The following BCAR3 variants were observed in gnomAD, a reference collection of about 807,000 sequenced individuals.
BCAR3 encodes the protein breast cancer anti-estrogen resistance protein 3.
A neutral mutation model predicts 80.1 loss-of-function variants in BCAR3; 37 were observed. The ratio of observed to expected loss-of-function variants is 0.46; its 90% confidence interval spans 0.36 to 0.61. The LOEUF is 0.61. Ranked by LOEUF, BCAR3 falls within the 20% of genes least tolerant of loss-of-function variation. The pLI is 0.00. For missense variants in BCAR3, 978 were observed against 1,068.2 expected (o/e 0.92, Z 1.18); for synonymous variants, 389 against 418.9 (o/e 0.93, Z 0.87).
At chr1:93,645,351 T>C (rs188167772) in intron 2 of BCAR3, among the ~76,000 whole-genome samples, 1 of 152,290 alleles carries the variant, frequency 6.6e-6, no homozygotes, top group Admixed American at 6.5e-5. Flanking sequence ...TTTTGAGTAC[T>C]CTGTAGGTTT....
chr1:93,610,981 TCC>T (rs1674931702), intron 3 of BCAR3, among the ~76,000 whole-genome samples: 1 of 152,030 alleles, frequency 6.6e-6, no homozygotes, highest in African/African-American at 2.4e-5. Context: ...TATTCCTAGT[TCC>T]CCACGAAATG....
At chr1:93,844,746 T>C (rs1430762021) in intron 2 of BCAR3, among the ~76,000 whole-genome samples, 1 of 151,118 alleles carries the variant, frequency 6.6e-6, no homozygotes, top group African/African-American at 2.4e-5. Flanking sequence ...TCTCATTCTG[T>C]CGCCCAGGCT....
At chr1:93,751,926 C>T (rs1352659460) in intron 2 of BCAR3, among the ~76,000 whole-genome samples, 3 of 152,224 alleles carry the variant, frequency 2.0e-5, no homozygotes, top group African/African-American at 7.2e-5. Flanking sequence ...CAGATCCGCC[C>T]ACATGACCCA....
chr1:93,661,045 T>A (rs1647627492), intron 2 of BCAR3, among the ~76,000 whole-genome samples: 1 of 151,824 alleles, frequency 6.6e-6, no homozygotes, highest in African/African-American at 2.4e-5. Flanking sequence ...CCTGGCTAAT[T>A]TCTTTTTTTT....
chr1:93,562,173 A>G lies in BCAR3; in HGVS notation c.*68T>C, dbSNP rs1672701247. The stretch of plus-strand genomic sequence containing the variant: ...TGCACATTATTACTTTATCAAAAAC[A>G]GTAAGCTTTCCCAAAGATGAAGCTG... On this transcript the variant is annotated 3_prime_UTR_variant, in exon 12 of 12. Coordinates refer to ENST00000260502, the MANE Select transcript of BCAR3 (RefSeq NM_003567.4). 4 of 1,494,652 alleles carry G rather than the reference A, an allele frequency of 2.7e-6. No individual in the cohort carries two copies. The highest frequency in any genetic ancestry group is 3.6e-6 in the Non-Finnish European group (4 of 1,100,306). The allele number at this position is 1,494,652 out of a possible 1,614,324, so 92.6% of individuals were successfully genotyped here. A position where few individuals can be genotyped will look rare whatever the true frequency, so the allele number is the denominator to read the frequency against.
At chr1:93,740,860 A>G (rs180839516) in intron 2 of BCAR3, among the ~76,000 whole-genome samples, 205 of 152,324 alleles carry the variant, frequency 1.3e-3, no homozygotes, top group Non-Finnish European at 2.2e-3. Flanking sequence ...TATTTCTAAT[A>G]GGAAGTTAGG....
At chr1:93,641,058 T>C (rs564573395) in intron 3 of BCAR3, among the ~76,000 whole-genome samples, 6 of 152,354 alleles carry the variant, frequency 3.9e-5, no homozygotes, top group Admixed American at 3.3e-4. Flanking sequence ...GATACATATT[T>C]ATAAAGCTCT....
At chr1:93,695,198 G>C (rs1649346892) in intron 3 of BCAR3, among the ~76,000 whole-genome samples, 1 of 152,128 alleles carries the variant, frequency 6.6e-6, no homozygotes. Flanking sequence ...TGTCAGTCTG[G>C]ACCCATATCC....
chr1:93,695,870 G>A (rs554258727), intron 3 of BCAR3, among the ~76,000 whole-genome samples: 101 of 152,222 alleles, frequency 6.6e-4, no homozygotes, highest in African/African-American at 2.4e-3. Flanking sequence ...CTGAGACACC[G>A]TTTTCTCCTG....
At position 93,571,805 on chromosome 1, in the gene BCAR3, A is replaced by G. The variant is rs1673229804; in HGVS notation, c.1839T>C (p.Ile613=). 8 of 1,614,074 alleles carry G rather than the reference A, an allele frequency of 5.0e-6. No individual in the cohort carries two copies. The highest frequency in any genetic ancestry group is 6.8e-6 in the Non-Finnish European group (8 of 1,180,012). The change falls in exon 9 of 12, where the codon ATT becomes ATC. Residue 613 remains isoleucine (I), a synonymous_variant. Coordinates refer to ENST00000260502, the MANE Select transcript of BCAR3 (RefSeq NM_003567.4). ...CCTCCAAAGTGCCCGTGCATCCCAG[A>G]ATGTCCACTGCAATGCCGATGGCCA... is the stretch of plus-strand genomic sequence containing the variant. ...NTMAIGIAVD[I]LGCTGTLEDR...
chr1:93,756,588 A>G (rs189682707), intron 2 of BCAR3, among the ~76,000 whole-genome samples: 7 of 152,374 alleles, frequency 4.6e-5, no homozygotes, highest in Admixed American at 3.3e-4. Context: ...TATATGTGCT[A>G]ATTTTCCAAT....
intron 2 of BCAR3, among the ~76,000 whole-genome samples, chr1:93,836,043 T>TA (rs1396154658): frequency 1.3e-5 from 2 of 152,114 alleles, no homozygotes; most frequent in African/African-American, 4.8e-5. Context: ...TCAGGAAAGG[T>TA]AAAATGGACT....
At chr1:93,657,591 A>G (rs1164818051) in intron 2 of BCAR3, among the ~76,000 whole-genome samples, 3 of 152,186 alleles carry the variant, frequency 2.0e-5, no homozygotes, top group African/African-American at 7.2e-5. Flanking sequence ...AGTTTATTCC[A>G]GGCATATACA....
intron 2 of BCAR3, among the ~76,000 whole-genome samples, chr1:93,817,046 T>C (rs1307957827): frequency 6.6e-6 from 1 of 152,216 alleles, no homozygotes; most frequent in Non-Finnish European, 1.5e-5. Flanking sequence ...ACTTCCTGGA[T>C]GGTTCCGCAA....
At chr1:93,814,721 C>T (rs1462568833) in intron 2 of BCAR3, among the ~76,000 whole-genome samples, 2 of 152,222 alleles carry the variant, frequency 1.3e-5, no homozygotes, top group Non-Finnish European at 2.9e-5. Context: ...CACAGCTGCT[C>T]CCAGGCTGAT....
chr1:93,707,774 A>T (rs1649875106), intron 2 of BCAR3, among the ~76,000 whole-genome samples: 1 of 152,222 alleles, frequency 6.6e-6, no homozygotes, highest in Non-Finnish European at 1.5e-5. Flanking sequence ...GATGTTTTCT[A>T]GGCTGAAGCT....
At chr1:93,583,985 T>C (rs752151983) in intron 6 of BCAR3, 33 bp downstream of exon 6, 5 of 1,599,818 alleles carry the variant, frequency 3.1e-6, no homozygotes, top group Non-Finnish European at 4.3e-6. Context: ...AGGGTAACAC[T>C]GACGTTCTCC....
chr1:93,609,526 A>T (rs568649562), intron 3 of BCAR3, among the ~76,000 whole-genome samples: 46 of 152,326 alleles, frequency 3.0e-4, no homozygotes, highest in Admixed American at 8.5e-4. Context: ...TGACAAAGTG[A>T]CAAGTTTCAG....
chr1:93,829,118 C>T (rs191197080), intron 2 of BCAR3, among the ~76,000 whole-genome samples: 22 of 152,230 alleles, frequency 1.4e-4, no homozygotes, highest in East Asian at 3.9e-4. Context: ...AGAGGGTCTC[C>T]GGTCTGCAGT....
Sources: gnomAD v4.1 joint callset for allele counts (sites outside exome capture counted in the v4.1 genomes callset) on GRCh38, gnomAD v4.1.1 for gene constraint, MANE v1.5 for transcripts, NCBI Gene and HGNC (gene_info 2026-07-23, HGNC 2026-07-21) for gene names.